Variants in CSMD3 observed in about 807,000 individuals in gnomAD.
The protein encoded by CSMD3 is CUB and Sushi multiple domains 3.
A neutral mutation model predicts 435.2 loss-of-function variants in CSMD3; 177 were observed. The observed-to-expected ratio is 0.41, with a 90% CI of 0.36 to 0.46. CSMD3 has a LOEUF of 0.46. Ranked by LOEUF, CSMD3 falls within the 20% of genes least tolerant of loss-of-function variation. CSMD3 has a pLI of 0.34. For synonymous variants in CSMD3, 1,656 were observed against 1,520.5 expected, an observed-to-expected ratio of 1.09 and a Z score of -2.07; for missense variants, 4,265 against 4,504.6, an observed-to-expected ratio of 0.95 and a Z score of 1.52.
intron 11 of CSMD3, among the ~76,000 whole-genome samples, chr8:112,842,434 C>T (rs1305953188): frequency 6.6e-6 from 1 of 151,720 alleles, no homozygotes; most frequent in African/African-American, 2.4e-5. Context: ...AAACTAAGCT[C>T]AAACGTTAGT....
At chr8:112,977,373 T>A (rs2084893268) in intron 6 of CSMD3, among the ~76,000 whole-genome samples, 2 of 152,036 alleles carry the variant, frequency 1.3e-5, no homozygotes, top group African/African-American at 4.8e-5. Context: ...TAGCAATGTT[T>A]ACTTAGATAT....
rs573322435 is a variant in CSMD3, at chr8:112,695,543, A to G, written c.1973-5493T>C. Among the ~76,000 whole-genome samples, 10 of 152,314 alleles carry G rather than the reference A, an allele frequency of 6.6e-5. 2 individuals are homozygous for G. In the South Asian group the frequency reaches 1.9e-3, roughly 28 times the overall value. The stretch of plus-strand genomic sequence containing the variant: ...ACAAAATTCAACAGCCCTTCATGCT[A>G]AAAACTCTCAATAAATTATGTATTG... On this transcript the variant is annotated intron_variant, in intron 13 of 70. Coordinates refer to ENST00000297405, the MANE Select transcript of CSMD3 (RefSeq NM_198123.2).
chr8:112,985,258 T>C (rs1046382531), intron 6 of CSMD3, among the ~76,000 whole-genome samples: 2 of 151,934 alleles, frequency 1.3e-5, no homozygotes. Flanking sequence ...AGGGATAAAA[T>C]AACATTTTAG....
chr8:112,367,774 T>C (rs891833601), intron 38 of CSMD3, among the ~76,000 whole-genome samples: 1 of 152,168 alleles, frequency 6.6e-6, no homozygotes, highest in South Asian at 2.1e-4. Flanking sequence ...CTTTTGTTAC[T>C]CTAAAAATCC....
chr8:112,518,292 G>C (rs984009846), intron 27 of CSMD3, among the ~76,000 whole-genome samples: 2 of 151,760 alleles, frequency 1.3e-5, no homozygotes, highest in African/African-American at 4.8e-5. Flanking sequence ...CTAAATCCCA[G>C]GAGTTTGAGA....
intron 1 of CSMD3, among the ~76,000 whole-genome samples, chr8:113,369,167 T>C (rs1452863023): frequency 6.6e-6 from 1 of 151,970 alleles, no homozygotes; most frequent in Non-Finnish European, 1.5e-5. Context: ...AAAATGATGA[T>C]TCAGGTAGAA....
chr8:112,674,116 A>G (rs1260798325), intron 16 of CSMD3, among the ~76,000 whole-genome samples: 1 of 152,096 alleles, frequency 6.6e-6, no homozygotes, highest in Non-Finnish European at 1.5e-5. Flanking sequence ...AGGTGCCTTG[A>G]GTAGCAGCCA....
At chr8:112,737,429 GT>G (rs2077210198) in intron 13 of CSMD3, among the ~76,000 whole-genome samples, 1 of 151,814 alleles carries the variant, frequency 6.6e-6, no homozygotes, top group South Asian at 2.1e-4. Flanking sequence ...ACTTACAGGT[GT>G]TTGACATTTT....
chr8:112,899,076 C>G (rs188397382), intron 10 of CSMD3, among the ~76,000 whole-genome samples: 1 of 151,170 alleles, frequency 6.6e-6, no homozygotes, highest in Non-Finnish European at 1.5e-5. Flanking sequence ...AGCCACAACT[C>G]GGACATGTAC....
chr8:113,340,868 CA>C (rs5894141), intron 1 of CSMD3, among the ~76,000 whole-genome samples: 128,158 of 143,170 alleles, frequency 0.9, 57,213 homozygotes, highest in East Asian at 0.97. Context: ...GACTTTGTCT[CA>C]AAAAAAAAAA....
Position 113,179,085 on chromosome 8 carries a change from G to C in CSMD3, c.515-5169C>G, listed in dbSNP as rs147228854. 2.8e-3 allele frequency among the ~76,000 whole-genome samples: 428 copies of C among 151,836 alleles called. 2 individuals carry two copies. The highest frequency in any genetic ancestry group is 9.6e-3 in the African/African-American group (398 of 41,480). On this transcript the variant is annotated intron_variant, in intron 3 of 70. Coordinates refer to ENST00000297405, the MANE Select transcript of CSMD3 (RefSeq NM_198123.2). ...TAATTTAATACTAATTCAATGTTGA[G>C]TGGGAAAATTGTGATAAAACGGATT... is the stretch of plus-strand genomic sequence containing the variant.
chr8:112,654,400 G>T (rs1183546020), intron 18 of CSMD3, among the ~76,000 whole-genome samples: 2 of 152,100 alleles, frequency 1.3e-5, no homozygotes, highest in African/African-American at 4.8e-5. Flanking sequence ...ATGAGAGAAG[G>T]TGATTTCTTA....
At chr8:113,109,995 G>A (rs1453536461) in intron 4 of CSMD3, among the ~76,000 whole-genome samples, 1 of 152,224 alleles carries the variant, frequency 6.6e-6, no homozygotes, top group Admixed American at 6.5e-5. Context: ...AGCAAGAGCT[G>A]AGTTTCCATA....
intron 65 of CSMD3, among the ~76,000 whole-genome samples, chr8:112,243,788 G>C (rs1814407396): frequency 6.6e-6 from 1 of 152,032 alleles, no homozygotes; most frequent in African/African-American, 2.4e-5. Context: ...TAATTAACTA[G>C]AGATCTTGGG....
chr8:113,292,301 C>T (rs2093691847), intron 2 of CSMD3, among the ~76,000 whole-genome samples: 1 of 151,608 alleles, frequency 6.6e-6, no homozygotes, highest in Admixed American at 6.6e-5. Context: ...TAATATTAAA[C>T]AGTCATGTTC....
chr8:112,401,468 T>A (rs1371653366), intron 35 of CSMD3, among the ~76,000 whole-genome samples: 1 of 152,152 alleles, frequency 6.6e-6, no homozygotes, highest in Non-Finnish European at 1.5e-5. Context: ...TAATGTGATG[T>A]TTAAATTTTT....
chr8:112,428,104 C>T (rs1210911701), intron 32 of CSMD3, among the ~76,000 whole-genome samples: 2 of 152,152 alleles, frequency 1.3e-5, no homozygotes, highest in African/African-American at 2.4e-5. Context: ...GGCACCATCA[C>T]TGCAACTACT....
At chr8:113,428,856 C>A (rs2094652709) in intron 1 of CSMD3, among the ~76,000 whole-genome samples, 1 of 151,804 alleles carries the variant, frequency 6.6e-6, no homozygotes, top group Non-Finnish European at 1.5e-5. Context: ...TTTCCATTTA[C>A]AAACTTCCTC....
chr8:112,534,777 C>T (rs1317024626), intron 27 of CSMD3, among the ~76,000 whole-genome samples: 1 of 151,934 alleles, frequency 6.6e-6, no homozygotes, highest in Admixed American at 6.6e-5. Context: ...TGCAAAAATC[C>T]TCAATAAAAT....
Sources: allele counts gnomAD v4.1 joint callset (sites outside exome capture counted in the v4.1 genomes callset), GRCh38; gene constraint gnomAD v4.1.1; transcripts MANE v1.5; gene names NCBI Gene and HGNC (gene_info 2026-07-23, HGNC 2026-07-21).